The following IREB2 variants were observed in gnomAD, a reference collection of about 807,000 sequenced individuals.
The protein encoded by IREB2 is iron-responsive element-binding protein 2.
A neutral mutation model predicts 118.8 loss-of-function variants in IREB2; 39 were observed. The ratio of observed to expected loss-of-function variants is 0.33; its 90% CI spans 0.25 to 0.43. IREB2 has a LOEUF of 0.43. IREB2 is among the 20% of genes least tolerant of loss of function. The pLI is 1.00. For synonymous variants in IREB2, 372 were observed against 392.2 expected (o/e 0.95, Z 0.61); for missense variants, 900 against 1,147.3 (o/e 0.78, Z 3.11).
rs759814732 is a variant in IREB2 at position 78,438,333 on chromosome 15, C to A, written c.-5C>A. On this transcript the variant is annotated 5_prime_UTR_variant, in exon 1 of 22. Coordinates refer to ENST00000258886, the MANE Select transcript of IREB2 (RefSeq NM_004136.4). ...CTCCCCGGAGGGATAATATGGTCTC[C>A]GGCGATGGACGCCCCAAAAGCAGGT... The A allele has an allele frequency of 1.4e-5, 22 of 1,592,452 alleles. No homozygotes were observed.
At chr15:78,455,057 G>T (rs550956965) in intron 2 of IREB2, among the ~76,000 whole-genome samples, 4 of 152,248 alleles carry the variant, frequency 2.6e-5, no homozygotes, top group Admixed American at 6.5e-5. Flanking sequence ...TGGACCAGCT[G>T]CGGGGACGGG....
Position 78,483,340 on chromosome 15 carries a change from C to G in IREB2, c.1319C>G (p.Ser440Ter). 1 of 1,572,802 alleles carries G rather than the reference C, an allele frequency of 6.4e-7. No individual in the cohort carries two copies. Among genetic ancestry groups the G allele is most frequent in the Non-Finnish European group, 8.8e-7 (1 of 1,142,596 alleles). The change falls in exon 11 of 22, where the codon TCA becomes TGA. Residue 440 changes from serine to a stop codon, truncating the protein, a stop_gained. Coordinates refer to ENST00000258886, the MANE Select transcript of IREB2 (RefSeq NM_004136.4). LOFTEE classifies it high-confidence loss of function. ...TAGGTGATCCAGATTAATCTGAATTCAATAGTTCCATCTGTTAGTGGTCCA... is the reference window on the plus strand; with the variant it reads ...TAGGTGATCCAGATTAATCTGAATTGAATAGTTCCATCTGTTAGTGGTCCA... The part of the protein sequence containing the change: ...YSQVIQINLN[S>*]IVPSVSGPKR...
At chr15:78,452,901 C>T (rs111425925) in intron 2 of IREB2, among the ~76,000 whole-genome samples, 1 of 152,274 alleles carries the variant, frequency 6.6e-6, no homozygotes, top group African/African-American at 2.4e-5. Flanking sequence ...AAAGCATTAT[C>T]CTTATTAACA....
At chr15:78,492,707 C>T (rs1322686770) in intron 18 of IREB2, among the ~76,000 whole-genome samples, 4 of 152,056 alleles carry the variant, frequency 2.6e-5, no homozygotes, top group Middle Eastern at 3.4e-3. Context: ...ACTACAGGCT[C>T]GCACCGTCAT....
chr15:78,468,390 C>T (rs1222215784), intron 5 of IREB2, among the ~76,000 whole-genome samples: 1 of 151,914 alleles, frequency 6.6e-6, no homozygotes, highest in Non-Finnish European at 1.5e-5. Context: ...ACTACAGGCA[C>T]ACACTGTCAG....
chr15:78,480,686 T>TA (rs373261767), intron 10 of IREB2, among the ~76,000 whole-genome samples: 3,438 of 89,680 alleles, frequency 0.038, 254 homozygotes, highest in African/African-American at 0.14. Flanking sequence ...GAGACTGTCT[T>TA]AAAAAAAAAA....
At chr15:78,478,202 C>G in intron 9 of IREB2, 95 bp from the exon 10 acceptor site, 1 of 810,278 alleles carries the variant, frequency 1.2e-6, no homozygotes, top group Non-Finnish European at 2.0e-6. Flanking sequence ...GCACTGCGCT[C>G]CAGCCTGGGC....
At chr15:78,471,229 G>T (rs1191482475) in intron 6 of IREB2, among the ~76,000 whole-genome samples, 2 of 152,066 alleles carry the variant, frequency 1.3e-5, no homozygotes, top group Non-Finnish European at 2.9e-5. Flanking sequence ...GGCTGGTCTC[G>T]AGCTCTTGGC....
At chr15:78,451,047 C>A (rs2051017951) in intron 2 of IREB2, among the ~76,000 whole-genome samples, 1 of 152,122 alleles carries the variant, frequency 6.6e-6, no homozygotes, top group South Asian at 2.1e-4. Flanking sequence ...TCACTGCAAC[C>A]TCCATCTCTT....
At chr15:78,455,151 G>A (rs188377598) in intron 2 of IREB2, among the ~76,000 whole-genome samples, 5 of 152,314 alleles carry the variant, frequency 3.3e-5, no homozygotes, top group African/African-American at 7.2e-5. Flanking sequence ...TTGGGGAAGT[G>A]AGAGATTGAA....
At chr15:78,453,243 G>T (rs1170409008) in intron 2 of IREB2, among the ~76,000 whole-genome samples, 9 of 152,230 alleles carry the variant, frequency 5.9e-5, no homozygotes, top group African/African-American at 1.9e-4. Context: ...GAAAACTGGA[G>T]GATGGTGCTG....
intron 2 of IREB2, among the ~76,000 whole-genome samples, chr15:78,441,026 A>G (rs564663599): frequency 1.3e-5 from 2 of 152,202 alleles, no homozygotes; most frequent in South Asian, 4.1e-4. Context: ...TGAATGCCAC[A>G]TCTGTTGCAG....
At chr15:78,438,377 C>T (rs756122305) in intron 1 of IREB2, 21 bp downstream of exon 1, 26 of 1,594,500 alleles carry the variant, frequency 1.6e-5, no homozygotes, top group Non-Finnish European at 2.2e-5. Flanking sequence ...GGCCTCCGAG[C>T]TGGGTCTGGC....
intron 2 of IREB2, among the ~76,000 whole-genome samples, chr15:78,453,194 G>A (rs1404364250): frequency 1.3e-5 from 2 of 152,174 alleles, no homozygotes; most frequent in African/African-American, 4.8e-5. Flanking sequence ...ATGTGAGATG[G>A]GAGACATGGA....
rs758459008 is a variant in IREB2 at position 78,485,755 on chromosome 15, A to G, written c.1624A>G (p.Ile542Val). ...AGCTGGTCTGCGTGTTAAACCTTAT[A>G]TAAGAACAAGTTTATCTCCAGGCAG... ...VEAGLRVKPY[I>V]RTSLSPGSGM... Residue 542 changes from isoleucine (I) to valine (V), a missense_variant, in exon 13 of 22, where the codon ATA becomes GTA. Physicochemically the swap from Ile to Val is conservative, Grantham distance 29 (BLOSUM62 3). Coordinates refer to ENST00000258886, the MANE Select transcript of IREB2 (RefSeq NM_004136.4). 36 of 1,613,906 alleles carry G rather than the reference A, an allele frequency of 2.2e-5. No homozygotes were observed. The highest frequency in any genetic ancestry group is 2.9e-5 in the Non-Finnish European group (34 of 1,179,900).
intron 20 of IREB2, among the ~76,000 whole-genome samples, chr15:78,494,722 G>A (rs1018953567): frequency 8.6e-5 from 13 of 152,008 alleles, no homozygotes; most frequent in Non-Finnish European, 1.5e-5. Context: ...TACGCCATGA[G>A]TTACCACACC....
At chr15:78,439,902 C>T in intron 2 of IREB2, 21 bp downstream of exon 2, 1 of 1,464,754 alleles carries the variant, frequency 6.8e-7, no homozygotes, top group Non-Finnish European at 9.5e-7. Context: ...TTTACATTTT[C>T]TTGGGTTTGT....
rs1342856392 is a variant in IREB2, at chr15:78,497,303, A to T, written c.2773A>T (p.Asn925Tyr). The change falls in exon 21 of 22, where the codon AAT becomes TAT. Residue 925 changes from asparagine (N) to tyrosine (Y), a missense_variant. By Grantham distance (143) the Asn-to-Tyr change is moderately radical. Coordinates refer to ENST00000258886, the MANE Select transcript of IREB2 (RefSeq NM_004136.4). Reference protein sequence around the residue: ...PEELSPGITLNIQTSTGKVFS... With the variant: ...PEELSPGITLYIQTSTGKVFS... ...AGAACTGTCTCCTGGAATTACATTG[A>T]ATATACAGGTATCTCTAAATTTTTC... 7 of 1,608,378 alleles carry T rather than the reference A, an allele frequency of 4.4e-6. No homozygotes were observed. The highest frequency in any genetic ancestry group is 2.6e-6 in the Non-Finnish European group (3 of 1,175,046).
intron 16 of IREB2, 122 bp from the exon 17 acceptor site, chr15:78,490,300 C>T (rs941927597): frequency 1.0e-5 from 6 of 576,534 alleles, no homozygotes; most frequent in Middle Eastern, 2.7e-4. Flanking sequence ...TGGATAAGGC[C>T]TATTTTTGTT....
Sources: allele counts gnomAD v4.1 joint callset (sites outside exome capture counted in the v4.1 genomes callset), GRCh38; gene constraint gnomAD v4.1.1; transcripts MANE v1.5; gene names NCBI Gene and HGNC (gene_info 2026-07-23, HGNC 2026-07-21).